The following POU6F1 variants were observed in gnomAD, a reference collection of about 807,000 sequenced individuals.
POU6F1 encodes the protein POU class 6 homeobox 1, also known as POU domain, class 6, transcription factor 1.
Under a neutral mutation model 28.9 loss-of-function variants are expected in POU6F1, and 9 were observed. That is an observed-to-expected ratio of 0.31 (90% CI 0.19 to 0.54). The LOEUF is 0.54. Ranked by LOEUF, POU6F1 falls within the 20% of genes least tolerant of loss-of-function variation. POU6F1 has a pLI of 0.94. For missense variants in POU6F1, 338 were observed against 426.1 expected, an observed-to-expected ratio of 0.79 and a Z score of 1.82; for synonymous variants, 173 against 171.1, an observed-to-expected ratio of 1.01 and a Z score of -0.09.
Position 51,190,541 on chromosome 12 carries a change from C to G in POU6F1, c.1542G>C (p.Val514=). The change falls in exon 11 of 11, where the codon GTG becomes GTC. Residue 514 remains valine, a synonymous_variant. Coordinates refer to ENST00000333640, the MANE Select transcript of POU6F1 (RefSeq NM_001330422.2). This position sits in a 1 kb window ranked among gnomAD's most constrained non-coding sequence, Gnocchi z 4.5. ...TPKSAQKLKP[V]LEKWLNEAEL... ...CAGCTTCGTTTAGCCACTTTTCCAG[C>G]ACCGGCTTTAGCTTCTGGGCACTCT... is the stretch of plus-strand genomic sequence containing the variant. 6.2e-7 allele frequency: 1 copy of G among 1,614,202 alleles called. No homozygotes were observed. Among genetic ancestry groups the G allele is most frequent in the Non-Finnish European group, 8.5e-7 (1 of 1,180,036 alleles).
At chr12:51,216,015 C>T (rs564873949) in intron 1 of POU6F1, among the ~76,000 whole-genome samples, 1 of 152,102 alleles carries the variant, frequency 6.6e-6, no homozygotes, top group South Asian at 2.1e-4. Flanking sequence ...AATTATAAAG[C>T]ATTTTAAAAA....
chr12:51,196,645 C>A (rs373775471), intron 7 of POU6F1, among the ~76,000 whole-genome samples, 154 bp downstream of exon 7: 1 of 152,264 alleles, frequency 6.6e-6, no homozygotes, highest in Non-Finnish European at 1.5e-5. Flanking sequence ...CCCTGCCCAG[C>A]TTCAGCATCG....
intron 1 of POU6F1, among the ~76,000 whole-genome samples, chr12:51,211,363 A>T (rs1220842751): frequency 6.6e-6 from 1 of 152,200 alleles, no homozygotes; most frequent in Non-Finnish European, 1.5e-5. Context: ...GTTGACTTTG[A>T]AAAACGCCTG....
intron 1 of POU6F1, among the ~76,000 whole-genome samples, chr12:51,208,557 T>C (rs1168615034): frequency 6.6e-6 from 1 of 152,146 alleles, no homozygotes; most frequent in African/African-American, 2.4e-5. Flanking sequence ...ATGGTCTGAA[T>C]GTGTCCTTCC....
intron 1 of POU6F1, chr12:51,207,832 A>T (rs1434298112): frequency 6.6e-6 from 1 of 152,268 alleles, no homozygotes; most frequent in Non-Finnish European, 1.5e-5. Context: ...ACTCTGTGAC[A>T]GTGGCCCAAA....
intron 6 of POU6F1, among the ~76,000 whole-genome samples, chr12:51,197,286 G>A (rs1942898363): frequency 6.6e-6 from 1 of 152,002 alleles, no homozygotes; most frequent in Non-Finnish European, 1.5e-5. Flanking sequence ...GGTCAGCAGG[G>A]AAGGGCAGGG....
At chr12:51,208,609 A>G (rs1943782271) in intron 1 of POU6F1, among the ~76,000 whole-genome samples, 1 of 152,174 alleles carries the variant, frequency 6.6e-6, no homozygotes, top group African/African-American at 2.4e-5. Context: ...CAAGGTGGAT[A>G]GTATTAAGAG....
intron 4 of POU6F1, among the ~76,000 whole-genome samples, 184 bp from the exon 5 acceptor site, chr12:51,198,959 G>A (rs988342520): frequency 2.0e-5 from 3 of 152,232 alleles, no homozygotes; most frequent in Non-Finnish European, 4.4e-5. Context: ...CTGAGGGGGT[G>A]CCTGGACCGA....
chr12:51,204,079 T>C, intron 3 of POU6F1, 94 bp downstream of exon 3: 1 of 398,430 alleles, frequency 2.5e-6, no homozygotes, highest in Non-Finnish European at 4.4e-6. Flanking sequence ...TAAAACCACC[T>C]GAGCCCCAGG....
At chr12:51,203,914 C>G (rs999821975) in intron 3 of POU6F1, among the ~76,000 whole-genome samples, 10 of 152,176 alleles carry the variant, frequency 6.6e-5, no homozygotes, top group African/African-American at 2.4e-4. Flanking sequence ...CTAAGCGGAG[C>G]GCTACCAGTC....
At chr12:51,194,397 T>C (rs1942664237) in intron 8 of POU6F1, among the ~76,000 whole-genome samples, 1 of 152,084 alleles carries the variant, frequency 6.6e-6, no homozygotes, top group African/African-American at 2.4e-5. Flanking sequence ...TACCAGCACT[T>C]TGGGAGGCTG....
At chr12:51,211,187 G>A (rs187085238) in intron 1 of POU6F1, among the ~76,000 whole-genome samples, 8 of 152,350 alleles carry the variant, frequency 5.3e-5, no homozygotes, top group African/African-American at 1.4e-4. Context: ...GAAGGCCAGG[G>A]AGGAGAGACA....
At chr12:51,205,130 C>A (rs373822544) in intron 2 of POU6F1, among the ~76,000 whole-genome samples, 12 of 151,674 alleles carry the variant, frequency 7.9e-5, no homozygotes, top group Admixed American at 1.3e-4. Flanking sequence ...GCTCCACCCC[C>A]CCGGGTTCAC....
rs564964689 is a variant in POU6F1 at position 51,196,682 on chromosome 12, GAAC to G, written c.975+114_975+116del. The G allele has an allele frequency of 1.6e-3, 2,019 of 1,290,828 alleles. 21 individuals carry two copies. In the African/African-American group the frequency reaches 0.026, roughly 17 times the overall value. 80.0% of individuals were successfully genotyped at this position (1,290,828 alleles called of 1,614,324 possible). A position where few individuals can be genotyped will look rare whatever the true frequency, so the allele number is the denominator to read the frequency against. ...CAGAAAGCCGCCGCAGAGGAGATAGGAACAACAGCTTGACGTCTGTTCGAGTTT... is the reference window on the plus strand; with the variant it reads ...CAGAAAGCCGCCGCAGAGGAGATAGGAACAGCTTGACGTCTGTTCGAGTTT... On this transcript the variant is annotated intron_variant, in intron 7 of 10. Coordinates refer to ENST00000333640, the MANE Select transcript of POU6F1 (RefSeq NM_001330422.2).
At position 51,197,921 on chromosome 12, in the gene POU6F1, G is replaced by A. The variant is rs372129770; in HGVS notation, c.695C>T (p.Thr232Met). The A allele has an allele frequency of 1.5e-5, 6 of 404,388 alleles. No individual in the cohort carries two copies. The highest frequency in any genetic ancestry group is 7.1e-5 in the East Asian group (2 of 28,194). The allele number at this position is 404,388 out of a possible 1,614,324, so 25.0% of individuals were successfully genotyped here. The change falls in exon 6 of 11, where the codon ACG (threonine) becomes ATG (methionine). Residue 232 changes from threonine to methionine, a missense_variant. Thr to Met is a moderately conservative substitution (Grantham distance 81). This residue lies in a region of POU6F1 where 206 missense variants were observed against 225.6 expected (regional missense o/e 0.91). Transcript: ENST00000333640. ...CAGCAGCGGCTGGGTCTGGAACAGC[G>A]TCTGGGGCTGGGCTGGTGGCCGGGG... is the stretch of plus-strand genomic sequence containing the variant. ...AQPRPPAQPQ[T>M]LFQTQPLLQT...
intron 3 of POU6F1, among the ~76,000 whole-genome samples, chr12:51,203,529 A>G (rs1208342973): frequency 6.6e-6 from 1 of 152,208 alleles, no homozygotes; most frequent in African/African-American, 2.4e-5. Context: ...TAAGGTTACT[A>G]GGGTTCCAAA....
Position 51,196,056 on chromosome 12 carries a change from C to T in POU6F1, c.1093G>A (p.Val365Met), listed in dbSNP as rs768783399. Residue 365 changes from valine (V) to methionine (M), a missense_variant, in exon 8 of 11, where the codon GTG (valine) becomes ATG (methionine). Physicochemically the swap from Val to Met is conservative, Grantham distance 21. Transcript: ENST00000333640. ...PQLLLNAQGQ[V>M]IATLASSPLP... ...GGGCTGCTAGCCAGGGTCGCAATCA[C>T]CTGGCCCTGGGCGTTCAACAACAGC... The T allele has an allele frequency of 3.1e-6, 5 of 1,609,744 alleles. No individual in the cohort carries two copies. Among genetic ancestry groups the T allele is most frequent in the South Asian group, 2.2e-5 (2 of 90,470 alleles).
chr12:51,215,312 T>C (rs1011990013), intron 1 of POU6F1, among the ~76,000 whole-genome samples: 1 of 151,958 alleles, frequency 6.6e-6, no homozygotes, highest in Admixed American at 6.6e-5. Flanking sequence ...CCTAGCACTT[T>C]GGGAGGCCGA....
Position 51,204,232 on chromosome 12 carries a change from G to C in POU6F1, c.185C>G (p.Ala62Gly). 2.5e-6 allele frequency: 1 copy of C among 399,160 alleles called. No individual in the cohort carries two copies. 24.7% of individuals were successfully genotyped at this position (399,160 alleles called of 1,614,324 possible). A position where few individuals can be genotyped will look rare whatever the true frequency, so the allele number is the denominator to read the frequency against. ...EGSQSGDPAE[A>G]SQAAGEAGPD... is the part of the protein sequence containing the mutation. ...CCCAGCTTCACCAGCAGCTTGACTG[G>C]CTTCAGCAGGGTCTCCGCTCTGGGA... Residue 62 changes from alanine (A) to glycine (G), a missense_variant, in exon 3 of 11, where the codon GCC becomes GGC. Physicochemically the swap from Ala to Gly is moderately conservative, Grantham distance 60 (BLOSUM62 0). This residue lies in a region of POU6F1 where 206 missense variants were observed against 225.6 expected (regional missense o/e 0.91). Transcript: ENST00000333640.
Sources: allele counts gnomAD v4.1 joint callset (sites outside exome capture counted in the v4.1 genomes callset), GRCh38; gene constraint gnomAD v4.1.1; regional missense constraint gnomAD v4.1.1; non-coding constraint Gnocchi (gnomAD v3.1); transcripts MANE v1.5; gene names NCBI Gene and HGNC (gene_info 2026-07-23, HGNC 2026-07-21).